The following PRKCA variants were observed in gnomAD, a reference collection of about 807,000 sequenced individuals.
PRKCA encodes protein kinase C alpha.
A neutral mutation model predicts 87.0 loss-of-function variants in PRKCA; 27 were observed. That is an observed-to-expected ratio of 0.31 (90% CI 0.23 to 0.43). The LOEUF is 0.43. Ranked by LOEUF, PRKCA falls within the 20% of genes least tolerant of loss-of-function variation. The pLI, the probability that PRKCA is intolerant of heterozygous loss-of-function variation, is 1.00. For synonymous variants in PRKCA, 329 were observed against 311.1 expected (o/e 1.06, Z -0.61); for missense variants, 518 against 852.3 (o/e 0.61, Z 4.88).
At chr17:66,727,384 G>A (rs539579997) in intron 8 of PRKCA, among the ~76,000 whole-genome samples, 1 of 152,112 alleles carries the variant, frequency 6.6e-6, no homozygotes. Flanking sequence ...GAAATGTGGT[G>A]CCACCTGTTT....
chr17:66,668,108 A>AT (rs1346556898), intron 5 of PRKCA, among the ~76,000 whole-genome samples: 1 of 152,194 alleles, frequency 6.6e-6, no homozygotes, highest in Non-Finnish European at 1.5e-5. Context: ...AAGCAAGAAG[A>AT]TTTTTTGGGC....
chr17:66,319,762 G>A (rs1474638431), intron 2 of PRKCA, among the ~76,000 whole-genome samples: 5 of 150,988 alleles, frequency 3.3e-5, no homozygotes, highest in Non-Finnish European at 7.4e-5. Flanking sequence ...TTTTATTTGA[G>A]ACAGAGTCTT....
intron 2 of PRKCA, among the ~76,000 whole-genome samples, chr17:66,329,266 C>A (rs113428334): frequency 6.6e-6 from 1 of 152,114 alleles, no homozygotes; most frequent in African/African-American, 2.4e-5. Context: ...TTCACTATTA[C>A]GTAGCATGCT....
chr17:66,500,471 C>A (rs1400014260), intron 3 of PRKCA, among the ~76,000 whole-genome samples: 2 of 152,140 alleles, frequency 1.3e-5, no homozygotes, highest in African/African-American at 4.8e-5. Context: ...TTCTGAATAC[C>A]ATTTTTCTGC....
intron 2 of PRKCA, among the ~76,000 whole-genome samples, chr17:66,314,676 C>T (rs1207366229): frequency 6.6e-6 from 1 of 152,160 alleles, no homozygotes; most frequent in Non-Finnish European, 1.5e-5. Flanking sequence ...AAATATGAGA[C>T]ATGAGTTTAG....
At chr17:66,347,061 A>AAT in intron 2 of PRKCA, among the ~76,000 whole-genome samples, 1 of 152,140 alleles carries the variant, frequency 6.6e-6, no homozygotes, top group African/African-American at 2.4e-5. Flanking sequence ...GGGGACTCTA[A>AAT]AGAGTTTTAT....
intron 13 of PRKCA, among the ~76,000 whole-genome samples, chr17:66,765,390 C>T (rs1293190889): frequency 3.2e-4 from 38 of 119,446 alleles, no homozygotes; most frequent in African/African-American, 2.2e-4. Flanking sequence ...CACTGCATTC[C>T]GGCCTGGTCG....
chr17:66,382,605 A>AT (rs1909823999), intron 2 of PRKCA, among the ~76,000 whole-genome samples: 1 of 152,132 alleles, frequency 6.6e-6, no homozygotes, highest in Admixed American at 6.6e-5. Context: ...GCTGCCATTT[A>AT]TTTTTATTTT....
chr17:66,406,585 G>GTTTTTTTTTTTTTGTTTTTTTT (rs1911402031), intron 2 of PRKCA, among the ~76,000 whole-genome samples: 1 of 70,180 alleles, frequency 1.4e-5, no homozygotes, highest in Non-Finnish European at 2.7e-5. Context: ...GCTTTTCCAG[G>GTTTTTTTTTTTTTGTTTTTTTT]TTTTTTTTTT....
At chr17:66,596,729 C>A (rs1465583325) in intron 3 of PRKCA, among the ~76,000 whole-genome samples, 4 of 86,232 alleles carry the variant, frequency 4.6e-5, no homozygotes, top group Non-Finnish European at 8.9e-5. Flanking sequence ...ATCCCTCCCC[C>A]CTCCCCCGAC....
At chr17:66,610,932 A>G (rs1408671897) in intron 3 of PRKCA, among the ~76,000 whole-genome samples, 1 of 152,198 alleles carries the variant, frequency 6.6e-6, no homozygotes, top group East Asian at 1.9e-4. Context: ...ACTAGAAACG[A>G]GAGTACAAGG....
At chr17:66,328,525 C>T (rs796530859) in intron 2 of PRKCA, among the ~76,000 whole-genome samples, 4 of 151,818 alleles carry the variant, frequency 2.6e-5, no homozygotes, top group Admixed American at 2.6e-4. Context: ...AGGCTGGGTG[C>T]GGTGGCTCAT....
intron 5 of PRKCA, among the ~76,000 whole-genome samples, chr17:66,680,862 G>A (rs2144001677): frequency 6.6e-6 from 1 of 152,316 alleles, no homozygotes; most frequent in Non-Finnish European, 1.5e-5. Context: ...TAGCTTTTAT[G>A]CAAGGCAGTG....
chr17:66,361,115 G>C (rs1433958071), intron 2 of PRKCA, among the ~76,000 whole-genome samples: 1 of 151,932 alleles, frequency 6.6e-6, no homozygotes, highest in Non-Finnish European at 1.5e-5. Flanking sequence ...GCTGGCTTCA[G>C]GGCAGTAGAT....
chr17:66,776,056 C>T (rs1023391647), intron 14 of PRKCA, among the ~76,000 whole-genome samples: 52 of 152,330 alleles, frequency 3.4e-4, no homozygotes, highest in African/African-American at 1.2e-3. Flanking sequence ...GGAGCCACCA[C>T]GCGAAGGCCC....
intron 3 of PRKCA, among the ~76,000 whole-genome samples, chr17:66,565,496 C>T (rs1028241425): frequency 1.3e-5 from 2 of 152,202 alleles, no homozygotes; most frequent in Non-Finnish European, 1.5e-5. Context: ...AAATATGAAT[C>T]GTAGCTCCAC....
chr17:66,627,590 T>C (rs921054884), intron 3 of PRKCA, among the ~76,000 whole-genome samples: 1 of 152,222 alleles, frequency 6.6e-6, no homozygotes, highest in African/African-American at 2.4e-5. Context: ...ATACTTGTGA[T>C]GGTGCTTTTC....
intron 3 of PRKCA, among the ~76,000 whole-genome samples, chr17:66,562,594 TG>T (rs1333514009): frequency 1.4e-4 from 19 of 139,980 alleles, no homozygotes; most frequent in African/African-American, 2.9e-4. Context: ...TGTTTTTTTT[TG>T]TTGTTGTTGT....
rs1209251213 is a variant in PRKCA at position 66,809,071 on chromosome 17, G to A, written c.*5034G>A. The stretch of plus-strand genomic sequence containing the variant: ...GGGCTACATGTGAAATACACTGGAC[G>A]GTCAACATTCCTGTCTCCTCCCATT... On this transcript the variant is annotated 3_prime_UTR_variant, in exon 17 of 17. Transcript: ENST00000413366. 2.0e-5 allele frequency: 3 copies of A among 152,124 alleles called. No homozygotes were observed. Among genetic ancestry groups the A allele is most frequent in the Non-Finnish European group, 4.4e-5 (3 of 68,014 alleles). The allele number at this position is 152,124 out of a possible 1,614,324, so 9.4% of individuals were successfully genotyped here.
Sources: allele counts gnomAD v4.1 joint callset (sites outside exome capture counted in the v4.1 genomes callset), GRCh38; gene constraint gnomAD v4.1.1; transcripts MANE v1.5; gene names NCBI Gene and HGNC (gene_info 2026-07-23, HGNC 2026-07-21).